The following HPSE2 variants were observed in gnomAD, a reference collection of about 807,000 sequenced individuals.
The protein encoded by HPSE2 is inactive heparanase-2.
HPSE2 carries 38 observed loss-of-function variants against 60.5 expected under a neutral mutation model. The observed-to-expected ratio is 0.63, with a 90% CI of 0.48 to 0.82. The LOEUF (loss-of-function observed/expected upper bound fraction) is 0.82. Among genes scored for constraint, HPSE2 ranks in the 40% least tolerant of loss-of-function variants. The probability of loss-of-function intolerance (pLI) is 0.00; values close to 1 mark genes in which losing one functional copy is unlikely to be tolerated. For missense variants in HPSE2, 713 were observed against 740.4 expected, an observed-to-expected ratio of 0.96 and a Z score of 0.43; for synonymous variants, 295 against 293.2, an observed-to-expected ratio of 1.01 and a Z score of -0.06.
At chr10:99,081,456 A>T (rs1370846260) in intron 3 of HPSE2, among the ~76,000 whole-genome samples, 1 of 152,068 alleles carries the variant, frequency 6.6e-6, no homozygotes, top group Admixed American at 6.6e-5. Flanking sequence ...AGGAATAATG[A>T]TATTTTATAG....
chr10:99,192,567 G>C (rs372715393), intron 2 of HPSE2, among the ~76,000 whole-genome samples: 12 of 152,114 alleles, frequency 7.9e-5, no homozygotes, highest in African/African-American at 2.9e-4. Context: ...CTCCCAAATA[G>C]CTGGGACTAC....
intron 11 of HPSE2, among the ~76,000 whole-genome samples, chr10:98,477,852 TCAGACCAG>T (rs1173904694): frequency 6.6e-6 from 1 of 151,250 alleles, no homozygotes; most frequent in African/African-American, 2.5e-5. Flanking sequence ...CCACCTCCTG[TCAGACCAG>T]CAGCATCATC....
chr10:98,521,233 T>A (rs1311948280), intron 9 of HPSE2, among the ~76,000 whole-genome samples: 2 of 152,160 alleles, frequency 1.3e-5, no homozygotes, highest in Admixed American at 1.3e-4. Flanking sequence ...ATTTTTGCAA[T>A]CTACCCATCT....
At chr10:98,622,780 C>CA (rs113909291) in intron 7 of HPSE2, among the ~76,000 whole-genome samples, 2,380 of 152,060 alleles carry the variant, frequency 0.016, 77 homozygotes, top group African/African-American at 0.054. Context: ...CTTTTATACA[C>CA]AAAAAAAGAA....
chr10:99,246,447 G>A, the HPSE2 span, among the ~76,000 whole-genome samples: 1 of 152,216 alleles, frequency 6.6e-6, no homozygotes. Context: ...AAGGGATTAT[G>A]ACTTAAAATC....
chr10:99,105,356 G>A (rs1844200712), intron 3 of HPSE2, among the ~76,000 whole-genome samples: 1 of 151,552 alleles, frequency 6.6e-6, no homozygotes, highest in South Asian at 2.1e-4. Context: ...ATCTTTTCAT[G>A]TGCTTATTAG....
chr10:99,017,464 A>G (rs1957168173), intron 3 of HPSE2, among the ~76,000 whole-genome samples: 2 of 152,208 alleles, frequency 1.3e-5, no homozygotes, highest in African/African-American at 2.4e-5. Flanking sequence ...AATGTTCATC[A>G]AGGATATTGC....
At chr10:99,143,767 T>C (rs1034453705) in intron 3 of HPSE2, among the ~76,000 whole-genome samples, 4 of 152,220 alleles carry the variant, frequency 2.6e-5, no homozygotes, top group Non-Finnish European at 4.4e-5. Flanking sequence ...CTCAGTCTCA[T>C]AGCCTCTTTG....
At chr10:98,536,052 T>C (rs1943274033) in intron 9 of HPSE2, among the ~76,000 whole-genome samples, 1 of 152,190 alleles carries the variant, frequency 6.6e-6, no homozygotes, top group Non-Finnish European at 1.5e-5. Context: ...AGACAAAAGA[T>C]GGGCAATAGG....
At chr10:98,910,694 T>G (rs1953954516) in intron 3 of HPSE2, among the ~76,000 whole-genome samples, 1 of 152,164 alleles carries the variant, frequency 6.6e-6, no homozygotes. Context: ...GCTTACAAAG[T>G]GTTTCTACAT....
chr10:98,544,667 C>T (rs1231508826), intron 9 of HPSE2, among the ~76,000 whole-genome samples: 1 of 133,230 alleles, frequency 7.5e-6, no homozygotes, highest in African/African-American at 2.7e-5. Flanking sequence ...GAGCCGAGAT[C>T]GCGCCACTGC....
At position 98,490,162 on chromosome 10, in the gene HPSE2, A is replaced by ATAGGAC. The variant is rs756971217; in HGVS notation, c.1354_1355insGTCCTA (p.Leu451_Ile452insSerPro). ...ATGCACAGCCAAGACTTTGGGGCCGATCAGGCGCTTGTAGAGGAGAGAGAG... is the reference window on the plus strand; with the variant it reads ...ATGCACAGCCAAGACTTTGGGGCCGATAGGACTCAGGCGCTTGTAGAGGAGAGAGAG... On this transcript the variant is annotated inframe_insertion, in exon 10 of 12. Transcript: ENST00000370552. 1 of 1,614,186 alleles carries ATAGGAC rather than the reference A, an allele frequency of 6.2e-7. No homozygotes were observed. The highest frequency in any genetic ancestry group is 1.3e-5 in the African/African-American group (1 of 75,060).
chr10:98,936,498 G>A (rs1457123539), intron 3 of HPSE2, among the ~76,000 whole-genome samples: 1 of 143,230 alleles, frequency 7.0e-6, no homozygotes. Flanking sequence ...CCCCCAGTGG[G>A]TAGCACAGTC....
At chr10:98,703,704 T>C (rs988186468) in intron 5 of HPSE2, among the ~76,000 whole-genome samples, 2 of 152,160 alleles carry the variant, frequency 1.3e-5, no homozygotes, top group African/African-American at 4.8e-5. Context: ...GAAAACCCCT[T>C]TGATAAAAAT....
intron 3 of HPSE2, among the ~76,000 whole-genome samples, chr10:98,820,178 C>T (rs1951391927): frequency 6.6e-6 from 1 of 152,096 alleles, no homozygotes; most frequent in Non-Finnish European, 1.5e-5. Context: ...ATACTGAAGA[C>T]ATATTTAACA....
intron 6 of HPSE2, among the ~76,000 whole-genome samples, chr10:98,650,279 C>G (rs963959952): frequency 1.3e-5 from 2 of 152,182 alleles, no homozygotes; most frequent in Admixed American, 6.5e-5. Flanking sequence ...GTGAGGCCAT[C>G]CCCAAGGTAC....
intron 3 of HPSE2, among the ~76,000 whole-genome samples, chr10:99,071,766 T>A (rs1030129841): frequency 2.0e-5 from 3 of 152,248 alleles, no homozygotes; most frequent in African/African-American, 4.8e-5. Flanking sequence ...AAGGGTCCAA[T>A]TTCATTGTTT....
At chr10:99,216,759 T>C (rs1473834687) in intron 2 of HPSE2, among the ~76,000 whole-genome samples, 2 of 152,204 alleles carry the variant, frequency 1.3e-5, no homozygotes, top group African/African-American at 4.8e-5. Flanking sequence ...TGCTGGTACA[T>C]AGTAGGTGCT....
At chr10:98,674,341 G>A (rs1213511252) in intron 6 of HPSE2, among the ~76,000 whole-genome samples, 1 of 152,144 alleles carries the variant, frequency 6.6e-6, no homozygotes. Context: ...AGAGAGAAAT[G>A]GAAAAGAAAG....
Sources: gnomAD v4.1 joint callset for allele counts (sites outside exome capture counted in the v4.1 genomes callset) on GRCh38, gnomAD v4.1.1 for gene constraint, MANE v1.5 for transcripts, NCBI Gene and HGNC (gene_info 2026-07-23, HGNC 2026-07-21) for gene names.